The following THSD4 variants were observed in gnomAD, a reference collection of about 807,000 sequenced individuals.
THSD4 encodes thrombospondin type-1 domain-containing protein 4.
Under a neutral mutation model 119.0 loss-of-function variants are expected in THSD4, and 69 were observed. The ratio of observed to expected loss-of-function variants is 0.58; its 90% confidence interval spans 0.48 to 0.71. The LOEUF (loss-of-function observed/expected upper bound fraction) is 0.71, where lower values mean the gene tolerates loss of function less well. Ranked by LOEUF, THSD4 falls within the 30% of genes least tolerant of loss-of-function variation. The pLI, the probability that THSD4 is intolerant of heterozygous loss-of-function variation, is 0.00. For synonymous variants in THSD4, 524 were observed against 540.4 expected, an observed-to-expected ratio of 0.97 and a Z score of 0.42; for missense variants, 1,393 against 1,391.1, an observed-to-expected ratio of 1.00 and a Z score of -0.02.
intron 7 of THSD4, among the ~76,000 whole-genome samples, chr15:71,559,673 CAT>C (rs1451488156): frequency 6.6e-6 from 1 of 151,718 alleles, no homozygotes; most frequent in Non-Finnish European, 1.5e-5. Context: ...ATCGCAATGA[CAT>C]ATAAGGAACA....
chr15:71,535,838 T>C (rs775657011), intron 7 of THSD4, among the ~76,000 whole-genome samples: 2 of 152,226 alleles, frequency 1.3e-5, no homozygotes, highest in Non-Finnish European at 2.9e-5. Context: ...AAGTCTCTTA[T>C]CAGACATGAT....
intron 16 of THSD4, chr15:71,767,463 T>G (rs1350114778): frequency 6.6e-6 from 1 of 152,196 alleles, no homozygotes; most frequent in Admixed American, 6.5e-5. Flanking sequence ...TTGGTGATAG[T>G]GTTGTGCTGG....
At chr15:71,685,762 G>C (rs2051894845) in intron 8 of THSD4, among the ~76,000 whole-genome samples, 1 of 152,014 alleles carries the variant, frequency 6.6e-6, no homozygotes, top group South Asian at 2.1e-4. Flanking sequence ...TTTCTTAAAG[G>C]TTAGTTGCAA....
rs1239315354 is a variant in THSD4 at position 71,698,651 on chromosome 15, GA to G, written c.1358-29895del. 2.8e-3 allele frequency among the ~76,000 whole-genome samples: 367 copies of G among 132,520 alleles called. 2 individuals carry two copies. The highest frequency in any genetic ancestry group is 0.01 in the African/African-American group (335 of 32,700). The allele number at this position is 132,520 out of a possible 152,430, so 86.9% of individuals were successfully genotyped here. ...TATATACATGCATGTATATATACATGAAATATATACATGCATGTATATATTT... is the reference window on the plus strand; with the variant it reads ...TATATACATGCATGTATATATACATGAATATATACATGCATGTATATATTT... On this transcript the variant is annotated intron_variant, in intron 8 of 17. Transcript: ENST00000261862.
upstream of THSD4, chr15:71,114,797 A>G (rs184183850): frequency 6.6e-6 from 1 of 152,272 alleles, no homozygotes; most frequent in Admixed American, 6.5e-5. Context: ...TAAGACAAGA[A>G]AGAATCCCGA....
At chr15:71,286,253 C>T (rs2044716943) in intron 6 of THSD4, among the ~76,000 whole-genome samples, 1 of 152,186 alleles carries the variant, frequency 6.6e-6, no homozygotes, top group Non-Finnish European at 1.5e-5. Context: ...ATTACTTCAT[C>T]ACCCAGGTAT....
At chr15:71,338,601 A>G (rs1368856083) in intron 6 of THSD4, among the ~76,000 whole-genome samples, 1 of 152,102 alleles carries the variant, frequency 6.6e-6, no homozygotes, top group Non-Finnish European at 1.5e-5. Flanking sequence ...AGGAGTTACA[A>G]ACACGTGTAT....
At chr15:71,565,523 A>G (rs1368648504) in intron 7 of THSD4, among the ~76,000 whole-genome samples, 2 of 152,228 alleles carry the variant, frequency 1.3e-5, no homozygotes, top group Non-Finnish European at 2.9e-5. Context: ...AGAACTTAGC[A>G]AAGTACATAA....
Position 71,695,501 on chromosome 15 carries a change from C to G in THSD4, c.1358-33048C>G, listed in dbSNP as rs12916386. Among the ~76,000 whole-genome samples the G allele has an allele frequency of 3.5e-5, 4 of 115,394 alleles. No homozygotes were observed. The East Asian group carries it at 9.6e-4, about 28-fold the overall frequency. The allele number at this position is 115,394 out of a possible 152,430, so 75.7% of individuals were successfully genotyped here. A position where few individuals can be genotyped will look rare whatever the true frequency, so the allele number is the denominator to read the frequency against. ...TACACATAAAATATTTGTGTGTGTG[C>G]ATGTGTGTGTGTGTGTGTGTGTGTG... On this transcript the variant is annotated intron_variant, in intron 8 of 17. Transcript: ENST00000261862.
At chr15:71,380,714 A>G (rs948395572) in intron 6 of THSD4, among the ~76,000 whole-genome samples, 1 of 151,188 alleles carries the variant, frequency 6.6e-6, no homozygotes, top group Non-Finnish European at 1.5e-5. Flanking sequence ...TCTGACTCAA[A>G]GAGGTATCCA....
intron 7 of THSD4, among the ~76,000 whole-genome samples, chr15:71,448,255 A>G (rs2047216065): frequency 3.9e-5 from 6 of 152,106 alleles, no homozygotes; most frequent in Admixed American, 3.3e-4. Flanking sequence ...CTCATTGAGA[A>G]TATTAAGAAG....
At chr15:71,251,984 A>G (rs1337420129) in intron 5 of THSD4, among the ~76,000 whole-genome samples, 2 of 152,218 alleles carry the variant, frequency 1.3e-5, no homozygotes, top group African/African-American at 4.8e-5. Context: ...TCTTCCATTA[A>G]AAGTCCAGTG....
At chr15:71,565,781 A>G (rs973033444) in intron 7 of THSD4, among the ~76,000 whole-genome samples, 1 of 152,216 alleles carries the variant, frequency 6.6e-6, no homozygotes, top group Non-Finnish European at 1.5e-5. Context: ...GACATAAATT[A>G]CAGAGGAATG....
intron 6 of THSD4, among the ~76,000 whole-genome samples, chr15:71,394,376 G>A (rs575628711): frequency 1.3e-5 from 2 of 149,284 alleles, no homozygotes; most frequent in South Asian, 4.2e-4. Context: ...GGGTTCAAGC[G>A]ATTCTCCTGC....
intron 7 of THSD4, among the ~76,000 whole-genome samples, chr15:71,540,993 G>A (rs1049804993): frequency 1.3e-5 from 2 of 152,170 alleles, no homozygotes; most frequent in Non-Finnish European, 2.9e-5. Context: ...AAAGTGCTGC[G>A]ATTACCAGCG....
intron 7 of THSD4, among the ~76,000 whole-genome samples, chr15:71,534,570 T>G (rs2048663479): frequency 6.6e-6 from 1 of 152,330 alleles, no homozygotes; most frequent in East Asian, 1.9e-4. Context: ...TTCTGCTCAC[T>G]GTAAAAACAA....
intron 8 of THSD4, among the ~76,000 whole-genome samples, chr15:71,661,549 A>G (rs2051308716): frequency 6.6e-6 from 1 of 151,686 alleles, no homozygotes; most frequent in African/African-American, 2.4e-5. Flanking sequence ...GCGTGCACCA[A>G]CACACCCAGT....
chr15:71,509,349 G>A (rs115281449), intron 7 of THSD4, among the ~76,000 whole-genome samples: 71 of 152,282 alleles, frequency 4.7e-4, no homozygotes, highest in African/African-American at 1.4e-3. Flanking sequence ...AAGGGGAACC[G>A]ACTGCAAACA....
At chr15:71,421,883 G>A (rs1026239313) in intron 7 of THSD4, among the ~76,000 whole-genome samples, 5 of 152,046 alleles carry the variant, frequency 3.3e-5, no homozygotes, top group African/African-American at 1.2e-4. Flanking sequence ...GTCTCCTCTT[G>A]TGTATTTTCA....
Sources: allele counts gnomAD v4.1 joint callset (sites outside exome capture counted in the v4.1 genomes callset), GRCh38; gene constraint gnomAD v4.1.1; transcripts MANE v1.5; gene names NCBI Gene and HGNC (gene_info 2026-07-23, HGNC 2026-07-21).